Variants in LIMS1 observed in about 807,000 individuals in gnomAD.
LIMS1 encodes LIM zinc finger domain containing 1.
Under a neutral mutation model 44.1 loss-of-function variants are expected in LIMS1, and 18 were observed. The observed-to-expected ratio is 0.41, with a 90% CI of 0.28 to 0.61. The LOEUF (loss-of-function observed/expected upper bound fraction) is 0.61. Among genes scored for constraint, LIMS1 ranks in the 20% least tolerant of loss-of-function variants. LIMS1 has a pLI of 0.32. For missense variants in LIMS1, 201 were observed against 422.0 expected, an observed-to-expected ratio of 0.48 and a Z score of 4.59; for synonymous variants, 93 against 149.1, an observed-to-expected ratio of 0.62 and a Z score of 2.74.
chr2:108,559,368 AT>A (rs1186768390), intron 1 of LIMS1, among the ~76,000 whole-genome samples: 2 of 152,202 alleles, frequency 1.3e-5, no homozygotes, highest in African/African-American at 4.8e-5. Context: ...ATTACATGTA[AT>A]TTTAAAAGTT....
intron 1 of LIMS1, among the ~76,000 whole-genome samples, chr2:108,612,072 A>C (rs1218253350): frequency 6.8e-6 from 1 of 147,860 alleles, no homozygotes; most frequent in Non-Finnish European, 1.5e-5. Flanking sequence ...ATATATATAC[A>C]TATATATATG....
chr2:108,644,684 G>A lies in LIMS1; in HGVS notation c.33-14921G>A, dbSNP rs943237937. On this transcript the variant is annotated intron_variant, in intron 1 of 9. Coordinates refer to ENST00000544547, the Ensembl canonical transcript of LIMS1. Reference sequence around the variant, plus strand: ...GACAGGAGTAGGCTTCAGAAGGTAGGTAATAACAAACTCCTCCGAGCTAAA... The same window carrying A: ...GACAGGAGTAGGCTTCAGAAGGTAGATAATAACAAACTCCTCCGAGCTAAA... Among the ~76,000 whole-genome samples, 116 of 152,150 alleles carry A rather than the reference G, an allele frequency of 7.6e-4. 1 individual carries two copies. The highest frequency in any genetic ancestry group is 2.6e-3 in the African/African-American group (109 of 41,526).
At chr2:108,558,431 G>T (rs777935482) in intron 1 of LIMS1, among the ~76,000 whole-genome samples, 1 of 151,606 alleles carries the variant, frequency 6.6e-6, no homozygotes, top group African/African-American at 2.4e-5. Context: ...GGATGGTCTC[G>T]ATCTCCTGAC....
chr2:108,683,816 C>T (rs1693166653), intron 9 of LIMS1, 69 bp from the exon 10 acceptor site: 2 of 786,760 alleles, frequency 2.5e-6, no homozygotes. Flanking sequence ...AATTACTGCA[C>T]ATCATTTATA....
At chr2:108,606,071 TGTA>T (rs1261633374) in intron 1 of LIMS1, among the ~76,000 whole-genome samples, 1 of 152,256 alleles carries the variant, frequency 6.6e-6, no homozygotes, top group East Asian at 1.9e-4. Context: ...ATCTGGCTGT[TGTA>T]GTCACTGAGT....
At chr2:108,571,290 G>T (rs1006026760) in intron 1 of LIMS1, among the ~76,000 whole-genome samples, 1 of 152,156 alleles carries the variant, frequency 6.6e-6, no homozygotes, top group Non-Finnish European at 1.5e-5. Context: ...TTTTAAGGGT[G>T]GAGAAATTGA....
upstream of LIMS1, chr2:108,533,819 CTTAA>C (rs1684005501): frequency 6.6e-6 from 1 of 152,440 alleles, no homozygotes; most frequent in African/African-American, 2.4e-5. Context: ...GTTAACTTTT[CTTAA>C]CTCACAAGTT....
intron 1 of LIMS1, among the ~76,000 whole-genome samples, chr2:108,630,712 C>T (rs1484154921): frequency 6.6e-6 from 1 of 150,494 alleles, no homozygotes; most frequent in African/African-American, 2.5e-5. Context: ...CCCTGAGATT[C>T]CCTCTGCTGT....
At chr2:108,551,468 T>C (rs1684691838) in intron 1 of LIMS1, among the ~76,000 whole-genome samples, 1 of 132,182 alleles carries the variant, frequency 7.6e-6, no homozygotes, top group Non-Finnish European at 1.6e-5. Flanking sequence ...TAGCACACTC[T>C]ATATACATAT....
At chr2:108,659,222 A>G in intron 1 of LIMS1, 1 of 796,458 alleles carries the variant, frequency 1.3e-6, no homozygotes, top group Non-Finnish European at 1.5e-6. Context: ...TGGCCTTGAG[A>G]TGTTGACTTT....
chr2:108,611,650 C>T (rs912883325), intron 1 of LIMS1, among the ~76,000 whole-genome samples: 68 of 151,796 alleles, frequency 4.5e-4, no homozygotes, highest in African/African-American at 1.5e-3. Context: ...GAGGCCGGGG[C>T]GTGGGGATCG....
At position 108,657,012 on chromosome 2, in the gene LIMS1, T is replaced by C. The variant is rs573705226; in HGVS notation, c.33-2593T>C. Among the ~76,000 whole-genome samples, 36 of 83,536 alleles carry C rather than the reference T, an allele frequency of 4.3e-4. No individual in the cohort carries two copies. In the South Asian group the frequency reaches 0.018, roughly 41 times the overall value. 54.8% of individuals were successfully genotyped at this position (83,536 alleles called of 152,430 possible). Reference sequence around the variant, plus strand: ...TAATAATAGTAAATGTTAATATTAATGTTGTCATGAAAAATAACTGTTTTC... The same window carrying C: ...TAATAATAGTAAATGTTAATATTAACGTTGTCATGAAAAATAACTGTTTTC... On this transcript the variant is annotated intron_variant, in intron 1 of 9. Coordinates refer to ENST00000544547, the Ensembl canonical transcript of LIMS1.
intron 1 of LIMS1, among the ~76,000 whole-genome samples, chr2:108,541,780 G>A (rs1267050202): frequency 1.3e-5 from 2 of 152,106 alleles, no homozygotes; most frequent in Non-Finnish European, 2.9e-5. Flanking sequence ...TTGGCAGCTG[G>A]AACAAAATTG....
chr2:108,599,330 T>C (rs562194895), intron 1 of LIMS1, among the ~76,000 whole-genome samples: 32 of 152,348 alleles, frequency 2.1e-4, no homozygotes, highest in African/African-American at 7.7e-4. Flanking sequence ...CTTGACATAA[T>C]GATCTCCAGT....
At chr2:108,644,307 G>A (rs1216218755) in intron 1 of LIMS1, among the ~76,000 whole-genome samples, 2 of 152,124 alleles carry the variant, frequency 1.3e-5, no homozygotes, top group African/African-American at 2.4e-5. Flanking sequence ...GCATCCAGAG[G>A]AAGGAACAAC....
At chr2:108,654,238 G>T (rs1690697329) in intron 1 of LIMS1, among the ~76,000 whole-genome samples, 1 of 152,078 alleles carries the variant, frequency 6.6e-6, no homozygotes. Context: ...AGACAGGAGT[G>T]TGAACTGAAT....
rs1175558089 is a variant in LIMS1 at position 108,588,299 on chromosome 2, T to C, written c.32+53705T>C. The C allele has an allele frequency of 5.1e-6, 5 of 984,504 alleles. No individual in the cohort carries two copies. The African/African-American group carries it at 7.0e-5, about 14-fold the overall frequency. The allele number at this position is 984,504 out of a possible 1,614,324, so 61.0% of individuals were successfully genotyped here. A position where few individuals can be genotyped will look rare whatever the true frequency, so the allele number is the denominator to read the frequency against. ...AAAAAAAACCCTGAACTTGGTTTCATTGGCTCAAATATAGTTCAAGACAAC... is the reference window on the plus strand; with the variant it reads ...AAAAAAAACCCTGAACTTGGTTTCACTGGCTCAAATATAGTTCAAGACAAC... On this transcript the variant is annotated intron_variant, in intron 1 of 9. Transcript: ENST00000544547.
intron 1 of LIMS1, among the ~76,000 whole-genome samples, chr2:108,653,541 T>G (rs1690645774): frequency 6.6e-6 from 1 of 152,168 alleles, no homozygotes; most frequent in African/African-American, 2.4e-5. Flanking sequence ...GGTGGCACAC[T>G]GCCCTGAGAG....
At chr2:108,645,489 G>A (rs1224675584) in intron 1 of LIMS1, among the ~76,000 whole-genome samples, 2 of 152,096 alleles carry the variant, frequency 1.3e-5, no homozygotes, top group Non-Finnish European at 2.9e-5. Context: ...AACTCCTGAA[G>A]GAAGCACTAA....
Sources: allele counts gnomAD v4.1 joint callset (sites outside exome capture counted in the v4.1 genomes callset), GRCh38; gene constraint gnomAD v4.1.1; transcripts MANE v1.5; gene names NCBI Gene and HGNC (gene_info 2026-07-23, HGNC 2026-07-21).